Variants in COL26A1 observed in about 807,000 individuals in gnomAD.
COL26A1 encodes collagen type XXVI alpha 1 chain.
Under a neutral mutation model 59.3 loss-of-function variants are expected in COL26A1, and 41 were observed. The ratio of observed to expected loss-of-function variants is 0.69; its 90% CI spans 0.54 to 0.90. The LOEUF (loss-of-function observed/expected upper bound fraction) is 0.90, where lower values mean the gene tolerates loss of function less well. COL26A1 is among the 40% of genes least tolerant of loss of function. The pLI, the probability that COL26A1 is intolerant of heterozygous loss-of-function variation, is 0.00. For missense variants in COL26A1, 612 were observed against 602.3 expected, an observed-to-expected ratio of 1.02 and a Z score of -0.17; for synonymous variants, 266 against 256.0, an observed-to-expected ratio of 1.04 and a Z score of -0.37.
At chr7:101,515,584 CT>C (rs36025647) in intron 3 of COL26A1, among the ~76,000 whole-genome samples, 26,846 of 140,732 alleles carry the variant, frequency 0.19, 2,758 homozygotes, top group African/African-American at 0.3. Context: ...ATGTCTGGCT[CT>C]TTTTTTTTTT....
intron 1 of COL26A1, among the ~76,000 whole-genome samples, chr7:101,365,380 G>A (rs887641029): frequency 1.3e-5 from 2 of 152,084 alleles, no homozygotes; most frequent in Non-Finnish European, 2.9e-5. Flanking sequence ...CCAGGGGACT[G>A]TCCCATTTTC....
At position 101,464,026 on chromosome 7, in the gene COL26A1, C is replaced by T. The variant is rs1173993843; in HGVS notation, c.385+16239C>T. 4.0e-5 allele frequency among the ~76,000 whole-genome samples: 6 copies of T among 151,078 alleles called. No homozygotes were observed. In the Admixed American group the frequency reaches 4.0e-4, roughly 10 times the overall value. The stretch of plus-strand genomic sequence containing the variant: ...TGTCACCCAGGCTAAATTGCAGTGG[C>T]ACAATGATAGCTCACTGCAGCCTCG... On this transcript the variant is annotated intron_variant, in intron 3 of 12. Transcript: ENST00000313669.
intron 8 of COL26A1, among the ~76,000 whole-genome samples, chr7:101,548,575 AG>A (rs1444650546): frequency 6.9e-6 from 1 of 145,182 alleles, no homozygotes; most frequent in Non-Finnish European, 1.5e-5. Flanking sequence ...CCAGTAGGAA[AG>A]GGTTTGCTGG....
At chr7:101,449,177 T>C (rs904179757) in intron 3 of COL26A1, among the ~76,000 whole-genome samples, 8 of 152,052 alleles carry the variant, frequency 5.3e-5, no homozygotes, top group Admixed American at 2.6e-4. Context: ...ACCTCCAAGG[T>C]GAAGGGGTGA....
chr7:101,376,945 G>A (rs1239464949), intron 1 of COL26A1, among the ~76,000 whole-genome samples: 1 of 152,048 alleles, frequency 6.6e-6, no homozygotes, highest in African/African-American at 2.4e-5. Context: ...TGCAATCTCT[G>A]CCTCCTGGCT....
chr7:101,520,662 A>ACACACACACAC (rs915256077), intron 3 of COL26A1, among the ~76,000 whole-genome samples: 1 of 143,236 alleles, frequency 7.0e-6, no homozygotes, highest in African/African-American at 2.6e-5. Flanking sequence ...ACACACACAC[A>ACACACACACAC]CCCCCGTGTT....
chr7:101,507,742 C>T (rs73180857), intron 3 of COL26A1, among the ~76,000 whole-genome samples: 1 of 152,072 alleles, frequency 6.6e-6, no homozygotes, highest in Non-Finnish European at 1.5e-5. Flanking sequence ...TAGATCTCAC[C>T]CACCTATCAG....
intron 5 of COL26A1, among the ~76,000 whole-genome samples, chr7:101,540,538 A>T (rs766655533): frequency 7.8e-4 from 48 of 61,576 alleles, no homozygotes; most frequent in Admixed American, 4.4e-4. Flanking sequence ...AATTCCGTCT[A>T]AAAAAAAAAA....
chr7:101,393,941 TAAAA>T (rs1004490604), intron 1 of COL26A1, among the ~76,000 whole-genome samples: 1 of 150,582 alleles, frequency 6.6e-6, no homozygotes, highest in Non-Finnish European at 1.5e-5. Context: ...TTTTTTAGAT[TAAAA>T]AAAAATTTTT....
intron 1 of COL26A1, among the ~76,000 whole-genome samples, chr7:101,377,459 C>G (rs939883347): frequency 1.1e-4 from 17 of 152,124 alleles, no homozygotes; most frequent in Non-Finnish European, 2.2e-4. Context: ...GGGTCTCACT[C>G]TGTTGTTCAG....
intron 3 of COL26A1, among the ~76,000 whole-genome samples, chr7:101,508,031 C>T (rs1398059441): frequency 6.6e-6 from 1 of 152,142 alleles, no homozygotes; most frequent in Non-Finnish European, 1.5e-5. Flanking sequence ...AACACAGCAT[C>T]CTGAATCCCA....
intron 1 of COL26A1, among the ~76,000 whole-genome samples, chr7:101,418,981 G>C (rs968205988): frequency 5.3e-5 from 8 of 149,640 alleles, no homozygotes; most frequent in Non-Finnish European, 1.2e-4. Context: ...CAGCCTTCTG[G>C]CTCTTTCTTT....
intron 4 of COL26A1, among the ~76,000 whole-genome samples, chr7:101,536,419 C>T (rs755360275): frequency 2.8e-4 from 42 of 152,230 alleles, no homozygotes; most frequent in Non-Finnish European, 5.7e-4. Flanking sequence ...CCCAGCGGCA[C>T]CAGAGGCCAT....
chr7:101,435,455 C>G (rs1461334691), intron 2 of COL26A1, among the ~76,000 whole-genome samples: 1 of 151,996 alleles, frequency 6.6e-6, no homozygotes, highest in African/African-American at 2.4e-5. Flanking sequence ...TTGCCAGGGT[C>G]GGGGACTCAA....
intron 3 of COL26A1, among the ~76,000 whole-genome samples, chr7:101,509,848 C>T (rs1331106403): frequency 6.6e-6 from 1 of 151,908 alleles, no homozygotes; most frequent in African/African-American, 2.4e-5. Flanking sequence ...CTGCCTCAGT[C>T]TCCTGAGTAG....
chr7:101,371,509 T>C (rs1791193986), intron 1 of COL26A1, among the ~76,000 whole-genome samples: 1 of 150,004 alleles, frequency 6.7e-6, no homozygotes, highest in Admixed American at 6.7e-5. Context: ...ATTAAAAAAT[T>C]AGCTGGGTGT....
Position 101,549,372 on chromosome 7 carries a change from T to C in COL26A1, c.993+149T>C, listed in dbSNP as rs1795813355. On this transcript the variant is annotated intron_variant, in intron 9 of 12. Transcript: ENST00000313669. ...TGGCCGGTGAGATTTTATTTTATTT[T>C]GTTTTATTTATTTTTAAATTTATTT... 3 of 540,106 alleles carry C rather than the reference T, an allele frequency of 5.6e-6. No homozygotes were observed. The Admixed American group carries it at 1.2e-4, about 22-fold the overall frequency. 33.5% of individuals were successfully genotyped at this position (540,106 alleles called of 1,614,324 possible).
intron 1 of COL26A1, among the ~76,000 whole-genome samples, chr7:101,402,745 C>A (rs1157490160): frequency 1.2e-5 from 1 of 80,026 alleles, no homozygotes; most frequent in Admixed American, 1.3e-4. Flanking sequence ...CTTCCTTCCT[C>A]CCTCCCTCCC....
rs373197015 is a variant in COL26A1, at chr7:101,531,207, A to G, written c.386-1875A>G. On this transcript the variant is annotated intron_variant, in intron 3 of 12. Coordinates refer to ENST00000313669, the MANE Select transcript of COL26A1 (RefSeq NM_001278563.3). ...AGGATTGTCTCGATCTCCTGACCTC[A>G]TGATCCTCCCGCCTTGGCCTCCCAA... 1.6e-4 allele frequency among the ~76,000 whole-genome samples: 24 copies of G among 152,186 alleles called. 1 individual carries two copies. Among genetic ancestry groups the G allele is most frequent in the Admixed American group, 8.5e-4 (13 of 15,296 alleles).
Sources: gnomAD v4.1 joint callset for allele counts (sites outside exome capture counted in the v4.1 genomes callset) on GRCh38, gnomAD v4.1.1 for gene constraint, MANE v1.5 for transcripts, NCBI Gene and HGNC (gene_info 2026-07-23, HGNC 2026-07-21) for gene names.